Variants in NRG1 observed in about 807,000 individuals in gnomAD.
The protein encoded by NRG1 is pro-neuregulin-1, membrane-bound isoform.
NRG1 carries 18 observed loss-of-function variants against 63.8 expected under a neutral mutation model. That is an observed-to-expected ratio of 0.28 (90% CI 0.19 to 0.42). The LOEUF (loss-of-function observed/expected upper bound fraction) is 0.42, where lower values mean the gene tolerates loss of function less well. NRG1 is among the 10% of genes least tolerant of loss of function. The pLI, the probability that NRG1 is intolerant of heterozygous loss-of-function variation, is 1.00. For synonymous variants in NRG1, 302 were observed against 301.3 expected, an observed-to-expected ratio of 1.00 and a Z score of -0.02; for missense variants, 762 against 814.7, an observed-to-expected ratio of 0.94 and a Z score of 0.79.
chr8:32,178,731 T>C (rs1841081930), intron 1 of NRG1, among the ~76,000 whole-genome samples: 1 of 152,128 alleles, frequency 6.6e-6, no homozygotes, highest in South Asian at 2.1e-4. Context: ...TATGTGGTGG[T>C]GGCATTGGTA....
At chr8:32,197,039 A>C (rs1843031267) in intron 1 of NRG1, among the ~76,000 whole-genome samples, 1 of 136,460 alleles carries the variant, frequency 7.3e-6, no homozygotes, top group East Asian at 2.2e-4. Context: ...GGCTCACTGC[A>C]ACCTTCGCCT....
intron 1 of NRG1, among the ~76,000 whole-genome samples, chr8:32,256,212 C>T (rs1440395232): frequency 3.9e-5 from 6 of 152,084 alleles, no homozygotes; most frequent in Admixed American, 2.6e-4. Context: ...ATTCTCCATC[C>T]AGTTTTGTTC....
rs1278168318 is a variant in NRG1, at chr8:31,654,485, G to A, written c.37+15054G>A. 3.3e-5 allele frequency among the ~76,000 whole-genome samples: 5 copies of A among 152,234 alleles called. No homozygotes were observed. The South Asian group carries it at 6.2e-4, about 19-fold the overall frequency. On this transcript the variant is annotated intron_variant, in intron 1 of 10. Transcript: ENST00000519301. Reference sequence around the variant, plus strand: ...TGTAAAGTGTAAAGAATCATGATACGTGTAATGTGCCTTTCGGTGTCATCT... The same window carrying A: ...TGTAAAGTGTAAAGAATCATGATACATGTAATGTGCCTTTCGGTGTCATCT...
chr8:32,188,416 A>C (rs1842173206), intron 1 of NRG1, among the ~76,000 whole-genome samples: 2 of 152,186 alleles, frequency 1.3e-5, no homozygotes, highest in Non-Finnish European at 2.9e-5. Flanking sequence ...TAGTAGGCAA[A>C]TAATGACAAG....
intron 1 of NRG1, among the ~76,000 whole-genome samples, chr8:32,252,575 C>A (rs996486380): frequency 6.6e-6 from 1 of 152,100 alleles, no homozygotes; most frequent in African/African-American, 2.4e-5. Context: ...GGTACCAGTA[C>A]CATGCTGTTT....
chr8:32,520,625 A>C (rs952372198), intron 1 of NRG1, among the ~76,000 whole-genome samples: 1 of 152,252 alleles, frequency 6.6e-6, no homozygotes, highest in Admixed American at 6.5e-5. Flanking sequence ...GTCTAAAGTC[A>C]TATGAGTATA....
intron 6 of NRG1, among the ~76,000 whole-genome samples, chr8:32,741,590 A>T (rs1826317236): frequency 6.6e-6 from 1 of 152,208 alleles, no homozygotes; most frequent in Non-Finnish European, 1.5e-5. Flanking sequence ...ATAAGTATAT[A>T]AAAGAAAAAG....
At chr8:32,149,989 A>G (rs896184617) in intron 1 of NRG1, among the ~76,000 whole-genome samples, 1 of 152,256 alleles carries the variant, frequency 6.6e-6, no homozygotes, top group African/African-American at 2.4e-5. Flanking sequence ...AGCAAGGGCT[A>G]GAATTTTTTA....
At chr8:32,471,050 C>A (rs935408347) in intron 1 of NRG1, among the ~76,000 whole-genome samples, 1 of 152,220 alleles carries the variant, frequency 6.6e-6, no homozygotes. Flanking sequence ...AATCCTCCCA[C>A]CTCAGCCTCC....
At chr8:32,485,122 C>CTT (rs11391262) in intron 1 of NRG1, among the ~76,000 whole-genome samples, 276 of 148,544 alleles carry the variant, frequency 1.9e-3, no homozygotes, top group African/African-American at 5.0e-3. Flanking sequence ...CTTTCTTTTT[C>CTT]TTTTTTTTTG....
intron 1 of NRG1, among the ~76,000 whole-genome samples, chr8:32,326,028 T>G (rs1254517383): frequency 6.9e-6 from 1 of 144,812 alleles, no homozygotes; most frequent in African/African-American, 2.5e-5. Flanking sequence ...TTTTTTTTTT[T>G]GATATGGAGT....
chr8:32,039,252 A>G (rs1819548545), intron 1 of NRG1, among the ~76,000 whole-genome samples: 1 of 152,246 alleles, frequency 6.6e-6, no homozygotes, highest in Non-Finnish European at 1.5e-5. Flanking sequence ...GTTGACATAT[A>G]GTATTCATTC....
intron 1 of NRG1, among the ~76,000 whole-genome samples, chr8:32,290,905 G>A (rs1854116570): frequency 6.8e-6 from 1 of 147,478 alleles, no homozygotes; most frequent in Non-Finnish European, 1.5e-5. Context: ...CAGAGACACA[G>A]GATGTGTGTG....
intron 1 of NRG1, among the ~76,000 whole-genome samples, chr8:32,487,817 C>T (rs1041166193): frequency 4.6e-5 from 7 of 152,162 alleles, no homozygotes; most frequent in African/African-American, 7.2e-5. Context: ...TCAGGCAACT[C>T]GTTACCGTCC....
At chr8:32,161,734 A>C (rs1167407523) in intron 1 of NRG1, among the ~76,000 whole-genome samples, 2 of 152,210 alleles carry the variant, frequency 1.3e-5, no homozygotes, top group Non-Finnish European at 2.9e-5. Flanking sequence ...TCAGGAATCC[A>C]TTCTCTTCCT....
At chr8:32,121,430 T>C (rs1256339652) in intron 1 of NRG1, among the ~76,000 whole-genome samples, 1 of 151,626 alleles carries the variant, frequency 6.6e-6, no homozygotes, top group East Asian at 1.9e-4. Context: ...TGTGTTACCT[T>C]TACCTTTGTA....
At chr8:32,107,042 C>A (rs1296402725) in intron 1 of NRG1, among the ~76,000 whole-genome samples, 1 of 150,828 alleles carries the variant, frequency 6.6e-6, no homozygotes, top group Non-Finnish European at 1.5e-5. Flanking sequence ...CATGGTGAAA[C>A]CCTGTCTCTA....
chr8:31,864,081 T>C (rs1828722503), intron 1 of NRG1, among the ~76,000 whole-genome samples: 2 of 152,214 alleles, frequency 1.3e-5, no homozygotes, highest in South Asian at 4.1e-4. Context: ...TTGTCATGTC[T>C]GTGAAGGACC....
chr8:32,328,840 C>G (rs1045252906), intron 1 of NRG1, among the ~76,000 whole-genome samples: 2 of 152,154 alleles, frequency 1.3e-5, no homozygotes, highest in East Asian at 3.9e-4. Flanking sequence ...TGCTGTTTGA[C>G]TTTAAATTCA....
Sources: gnomAD v4.1 joint callset for allele counts (sites outside exome capture counted in the v4.1 genomes callset) on GRCh38, gnomAD v4.1.1 for gene constraint, MANE v1.5 for transcripts, NCBI Gene and HGNC (gene_info 2026-07-23, HGNC 2026-07-21) for gene names.